The following FAM184A variants were observed in gnomAD, a reference collection of about 807,000 sequenced individuals.
The protein encoded by FAM184A is protein FAM184A.
In FAM184A, 99 loss-of-function variants were observed where a neutral mutation model predicts 143.8. The observed-to-expected ratio is 0.69, with a 90% CI of 0.58 to 0.81. The LOEUF (loss-of-function observed/expected upper bound fraction) is 0.81, where lower values mean the gene tolerates loss of function less well. FAM184A is among the 40% of genes least tolerant of loss of function. The probability of loss-of-function intolerance (pLI) is 0.00; values close to 1 mark genes in which losing one functional copy is unlikely to be tolerated. For missense variants in FAM184A, 1,217 were observed against 1,310.5 expected (o/e 0.93, Z 1.10); for synonymous variants, 427 against 446.4 (o/e 0.96, Z 0.55).
At chr6:119,027,469 G>A (rs1025088738) in intron 1 of FAM184A, among the ~76,000 whole-genome samples, 16 of 152,214 alleles carry the variant, frequency 1.1e-4, no homozygotes, top group East Asian at 3.9e-4. Context: ...TTTCCTGTGC[G>A]ATAGGATCAT....
At chr6:119,104,458 T>C (rs1201046629) in intron 1 of FAM184A, among the ~76,000 whole-genome samples, 2 of 152,196 alleles carry the variant, frequency 1.3e-5, no homozygotes, top group Non-Finnish European at 1.5e-5. Flanking sequence ...ATTCCCAGGG[T>C]CCACCATAGT....
chr6:119,135,959 T>C (rs1323647675), intron 1 of FAM184A, among the ~76,000 whole-genome samples: 3 of 150,732 alleles, frequency 2.0e-5, no homozygotes, highest in Non-Finnish European at 4.4e-5. Context: ...AATATTAGGG[T>C]TTTCCTGCCA....
intron 14 of FAM184A, among the ~76,000 whole-genome samples, chr6:118,969,993 A>ATAAAATATGTATATATATAT (rs1189865476): frequency 4.1e-5 from 1 of 24,372 alleles, no homozygotes; most frequent in Non-Finnish European, 7.8e-5. Flanking sequence ...ATATATATAT[A>ATAAAATATGTATATATATAT]ATATATATAT....
At chr6:119,083,260 C>T (rs978801607), upstream of FAM184A, among the ~76,000 whole-genome samples, 1 of 152,214 alleles carries the variant, frequency 6.6e-6, no homozygotes, top group African/African-American at 2.4e-5. Context: ...GGAGGGGCCA[C>T]CAGGAAGATC....
intron 1 of FAM184A, among the ~76,000 whole-genome samples, chr6:119,142,812 G>A (rs958036853): frequency 6.6e-6 from 1 of 152,202 alleles, no homozygotes; most frequent in South Asian, 2.1e-4. Context: ...CTTTGTAGAT[G>A]TAATCAAGTT....
At chr6:119,027,832 A>G (rs139741164) in intron 1 of FAM184A, among the ~76,000 whole-genome samples, 77 of 152,288 alleles carry the variant, frequency 5.1e-4, no homozygotes, top group African/African-American at 1.7e-3. Flanking sequence ...CCTTTGTTTT[A>G]TTAGTAAGTT....
At chr6:119,081,538 T>C (rs1788066955), upstream of FAM184A, among the ~76,000 whole-genome samples, 1 of 152,194 alleles carries the variant, frequency 6.6e-6, no homozygotes, top group Non-Finnish European at 1.5e-5. Flanking sequence ...GTTAGCCAGT[T>C]CAATTAGACC....
chr6:119,131,608 C>T (rs111288701), intron 1 of FAM184A, among the ~76,000 whole-genome samples: 4 of 152,276 alleles, frequency 2.6e-5, no homozygotes, highest in African/African-American at 9.6e-5. Flanking sequence ...ACCACAGCCT[C>T]CTGACTAGCT....
At chr6:119,143,763 A>C (rs563471464) in intron 1 of FAM184A, among the ~76,000 whole-genome samples, 1 of 152,356 alleles carries the variant, frequency 6.6e-6, no homozygotes, top group South Asian at 2.1e-4. Flanking sequence ...AGAGTAGGCT[A>C]ATCCAAGATG....
At chr6:119,066,486 G>C (rs976614215) in intron 1 of FAM184A, among the ~76,000 whole-genome samples, 2 of 152,150 alleles carry the variant, frequency 1.3e-5, no homozygotes, top group African/African-American at 4.8e-5. Flanking sequence ...CTAGGTATTA[G>C]AACGTGAACA....
At chr6:119,126,353 C>T (rs1789365165) in intron 1 of FAM184A, among the ~76,000 whole-genome samples, 1 of 152,236 alleles carries the variant, frequency 6.6e-6, no homozygotes, top group African/African-American at 2.4e-5. Flanking sequence ...TCAGGCCCAC[C>T]AAAGATGTTC....
At chr6:119,002,734 A>G (rs903454862) in intron 9 of FAM184A, among the ~76,000 whole-genome samples, 165 bp downstream of exon 9, 2 of 152,168 alleles carry the variant, frequency 1.3e-5, no homozygotes, top group Admixed American at 1.3e-4. Context: ...AAAATGTTTT[A>G]TAAGTTTATA....
chr6:119,114,232 C>T (rs1347661455), intron 1 of FAM184A, among the ~76,000 whole-genome samples: 1 of 152,150 alleles, frequency 6.6e-6, no homozygotes, highest in Non-Finnish European at 1.5e-5. Context: ...TTTCTCTCCA[C>T]CTAAAGTTGT....
At chr6:119,144,938 T>C (rs1772377285) in intron 1 of FAM184A, among the ~76,000 whole-genome samples, 1 of 152,196 alleles carries the variant, frequency 6.6e-6, no homozygotes, top group Non-Finnish European at 1.5e-5. Flanking sequence ...GTTTACAGAG[T>C]GCAAAAGGGC....
intron 1 of FAM184A, among the ~76,000 whole-genome samples, chr6:119,100,056 T>C (rs1375168815): frequency 6.6e-6 from 1 of 152,084 alleles, no homozygotes; most frequent in Non-Finnish European, 1.5e-5. Context: ...AGGTAGGTGG[T>C]GTCAGAATTA....
intron 1 of FAM184A, among the ~76,000 whole-genome samples, chr6:119,117,342 A>G (rs908524237): frequency 6.6e-6 from 1 of 152,262 alleles, no homozygotes; most frequent in African/African-American, 2.4e-5. Context: ...GGAAGAGGGA[A>G]GAAGAAATAG....
chr6:119,016,936 A>G lies in FAM184A; in HGVS notation c.1341T>C (p.Asn447=), dbSNP rs1785277110. 2 of 1,598,966 alleles carry G rather than the reference A, an allele frequency of 1.3e-6. No homozygotes were observed. Among genetic ancestry groups the G allele is most frequent in the African/African-American group, 2.7e-5 (2 of 73,826 alleles). Residue 447 remains asparagine (N), a synonymous_variant, in exon 5 of 18, where the codon AAT becomes AAC. Transcript: ENST00000338891. The part of the protein sequence containing the change: ...QQILELEKKV[N]EAKRTQQEYY... ...ATTCTTGCTGAGTTCTCTTTGCTTC[A>G]TTTACTTTCTAAAATTAAAACAAAG...
intron 9 of FAM184A, among the ~76,000 whole-genome samples, chr6:119,001,869 T>C (rs1784767269): frequency 6.6e-6 from 1 of 152,188 alleles, no homozygotes; most frequent in Admixed American, 6.6e-5. Flanking sequence ...CTAAAAGGAA[T>C]GTAAAATAAG....
intron 1 of FAM184A, among the ~76,000 whole-genome samples, chr6:119,060,639 C>A (rs970895634): frequency 1.3e-5 from 2 of 152,178 alleles, no homozygotes; most frequent in African/African-American, 4.8e-5. Context: ...AGATGGTAAT[C>A]CCCAGTGTTG....
Sources: gnomAD v4.1 joint callset for allele counts (sites outside exome capture counted in the v4.1 genomes callset) on GRCh38, gnomAD v4.1.1 for gene constraint, MANE v1.5 for transcripts, NCBI Gene and HGNC (gene_info 2026-07-23, HGNC 2026-07-21) for gene names.